The following ARHGAP20 variants were observed in gnomAD, a reference collection of about 807,000 sequenced individuals.
ARHGAP20 encodes the protein Rho GTPase activating protein 20, also known as rho GTPase-activating protein 20.
Under a neutral mutation model 73.7 loss-of-function variants are expected in ARHGAP20, and 34 were observed. The observed-to-expected ratio is 0.46, with a 90% CI of 0.35 to 0.61. ARHGAP20 has a LOEUF of 0.61. ARHGAP20 is among the 20% of genes least tolerant of loss of function. ARHGAP20 has a pLI of 0.00. For synonymous variants in ARHGAP20, 523 were observed against 518.2 expected, an observed-to-expected ratio of 1.01 and a Z score of -0.13; for missense variants, 1,314 against 1,420.9, an observed-to-expected ratio of 0.92 and a Z score of 1.21.
rs368175376 is a variant in ARHGAP20 at position 110,580,268 on chromosome 11, A to C, written c.2678T>G (p.Met893Arg). The C allele has an allele frequency of 6.8e-6, 11 of 1,614,190 alleles. No individual in the cohort carries two copies. In the East Asian group the frequency reaches 2.0e-4, roughly 29 times the overall value. The change falls in exon 15 of 15, where the codon ATG (methionine) becomes AGG (arginine). Residue 893 changes from methionine (M) to arginine (R), a missense_variant. Met to Arg is a moderately conservative substitution (Grantham distance 91, BLOSUM62 -1). Transcript: ENST00000683387. ...CTGATTAATGAGCTTCTGCCCCTCC[A>C]TTTGCAAAGACTTATGCCGTTTGAG... ...DYLKRHKSLQ[M>R]EGQKLINQSL...
intron 1 of ARHGAP20, among the ~76,000 whole-genome samples, chr11:110,692,452 AC>A (rs1950261498): frequency 6.6e-6 from 1 of 152,060 alleles, no homozygotes; most frequent in African/African-American, 2.4e-5. Flanking sequence ...TGTGAAATGT[AC>A]CCACTCTTGT....
chr11:110,579,950 G>T lies in ARHGAP20; in HGVS notation c.2996C>A (p.Ser999Tyr). 1 of 1,614,238 alleles carries T rather than the reference G, an allele frequency of 6.2e-7. No homozygotes were observed. The change falls in exon 15 of 15, where the codon TCC (serine) becomes TAC (tyrosine). Residue 999 changes from serine (S) to tyrosine (Y), a missense_variant. Ser to Tyr is a moderately radical substitution (Grantham distance 144). This residue lies in a region of ARHGAP20 where 641 missense variants were observed against 636.9 expected (regional missense o/e 1.01). Coordinates refer to ENST00000683387, the MANE Select transcript of ARHGAP20 (RefSeq NM_001384657.1). The stretch of plus-strand genomic sequence containing the variant: ...CCCTGATGAGGGACCGGGCATTCCG[G>T]AAACATGGCTGGCATTGCTAAAGTC... ...SPDFSNASHV[S>Y]GMPGPSSGQA...
At chr11:110,683,971 C>T (rs1950084330) in intron 2 of ARHGAP20, among the ~76,000 whole-genome samples, 1 of 152,122 alleles carries the variant, frequency 6.6e-6, no homozygotes, top group Non-Finnish European at 1.5e-5. Flanking sequence ...AGCTGTTTGC[C>T]CCTTCCGTCA....
intron 9 of ARHGAP20, among the ~76,000 whole-genome samples, chr11:110,597,709 G>A (rs140199679): frequency 1.4e-4 from 22 of 152,296 alleles, no homozygotes; most frequent in African/African-American, 5.1e-4. Context: ...TACCCTATGA[G>A]TGTTGACAGA....
At chr11:110,641,565 G>A (rs956010837) in intron 2 of ARHGAP20, among the ~76,000 whole-genome samples, 2 of 151,970 alleles carry the variant, frequency 1.3e-5, no homozygotes, top group African/African-American at 4.8e-5. Flanking sequence ...AAAGAGCCTC[G>A]TGAAAATGGC....
intron 2 of ARHGAP20, among the ~76,000 whole-genome samples, chr11:110,633,461 A>G (rs886977610): frequency 1.4e-4 from 21 of 152,300 alleles, no homozygotes; most frequent in African/African-American, 4.8e-4. Context: ...TGTTAAGTCC[A>G]TCAACTTTTT....
Position 110,579,819 on chromosome 11 carries a change from C to G in ARHGAP20, c.3127G>C (p.Ala1043Pro), listed in dbSNP as rs776441588. The change falls in exon 15 of 15, where the codon GCC becomes CCC. Residue 1043 changes from alanine to proline, a missense_variant. By Grantham distance (27) the Ala-to-Pro change is conservative (BLOSUM62 -1). Coordinates refer to ENST00000683387, the MANE Select transcript of ARHGAP20 (RefSeq NM_001384657.1). ...HPSTWLRNGV[A>P]SLKNWSLKKK... ...TTGAGGGACCAGTTTTTCAAACTGG[C>G]CACACCATTTCTCAACCATGTGCTG... 23 of 1,613,982 alleles carry G rather than the reference C, an allele frequency of 1.4e-5. No homozygotes were observed. In the East Asian group the frequency reaches 4.9e-4, roughly 34 times the overall value.
intron 2 of ARHGAP20, among the ~76,000 whole-genome samples, chr11:110,647,599 T>C (rs898343536): frequency 6.6e-6 from 1 of 152,136 alleles, no homozygotes; most frequent in Non-Finnish European, 1.5e-5. Context: ...TAACTTTTTT[T>C]ATGCAAAGGC....
At chr11:110,683,999 A>G (rs373669847) in intron 2 of ARHGAP20, among the ~76,000 whole-genome samples, 2 of 152,204 alleles carry the variant, frequency 1.3e-5, no homozygotes, top group Admixed American at 6.5e-5. Context: ...ACACAGTAAG[A>G]GATGCCATGT....
At chr11:110,688,519 T>A (rs972191818) in intron 2 of ARHGAP20, among the ~76,000 whole-genome samples, 4 of 152,074 alleles carry the variant, frequency 2.6e-5, no homozygotes, top group African/African-American at 4.8e-5. Context: ...AGTTAAAAAA[T>A]AAACAATAAA....
Position 110,606,702 on chromosome 11 carries a change from C to T in ARHGAP20, c.823G>A (p.Ala275Thr). ...GIKMSHLRDS[A>T]LLTPGSKDST... ...TCCTTTGATCCCGGTGTCAGGAGTGCAGAGTCTCGAAGATGGCTCATTTTA... is the reference window on the plus strand; with the variant it reads ...TCCTTTGATCCCGGTGTCAGGAGTGTAGAGTCTCGAAGATGGCTCATTTTA... The change falls in exon 9 of 15, where the codon GCA becomes ACA. Residue 275 changes from alanine to threonine, a missense_variant. Transcript: ENST00000683387. 6.3e-7 allele frequency: 1 copy of T among 1,593,516 alleles called. No individual in the cohort carries two copies. The highest frequency in any genetic ancestry group is 8.5e-7 in the Non-Finnish European group (1 of 1,172,530).
At position 110,580,546 on chromosome 11, in the gene ARHGAP20, G is replaced by A. The variant is rs909690481; in HGVS notation, c.2400C>T (p.Ala800=). The change falls in exon 15 of 15, where the codon GCC becomes GCT. Residue 800 remains alanine (A), a synonymous_variant. Transcript: ENST00000683387. ...VKLFPKSKPV[A]ISVASYSPMS... ...TAGGACTATAAGATGCCACAGAAAT[G>A]GCCACTGGCTTAGACTTAGGGAAAA... The A allele has an allele frequency of 6.2e-7, 1 of 1,614,186 alleles. No individual in the cohort carries two copies. Among genetic ancestry groups the A allele is most frequent in the Non-Finnish European group, 8.5e-7 (1 of 1,180,038 alleles).
chr11:110,631,559 G>T (rs984995637), intron 2 of ARHGAP20, among the ~76,000 whole-genome samples: 1 of 152,166 alleles, frequency 6.6e-6, no homozygotes, highest in Non-Finnish European at 1.5e-5. Flanking sequence ...CCCAGCACCT[G>T]CTGGCCACTG....
chr11:110,712,098 G>A (rs1295230094), intron 1 of ARHGAP20, 29 bp downstream of exon 1: 8 of 1,281,160 alleles, frequency 6.2e-6, no homozygotes, highest in Middle Eastern at 3.0e-4. Context: ...CGGCGGCGGA[G>A]GGCACGGGCC....
intron 3 of ARHGAP20, among the ~76,000 whole-genome samples, chr11:110,626,591 C>T (rs147757726): frequency 3.3e-4 from 50 of 152,318 alleles, no homozygotes; most frequent in African/African-American, 1.1e-3. Context: ...TAAACTTGGA[C>T]AGTGTTGACT....
At chr11:110,712,891 A>G (rs1029574003), upstream of ARHGAP20, 4 of 152,374 alleles carry the variant, frequency 2.6e-5, no homozygotes, top group Admixed American at 1.3e-4. Context: ...TGCGGAGGGA[A>G]TCCCCCACCC....
intron 2 of ARHGAP20, among the ~76,000 whole-genome samples, chr11:110,672,597 A>C (rs535712751): frequency 6.6e-5 from 10 of 152,108 alleles, no homozygotes; most frequent in African/African-American, 2.4e-4. Flanking sequence ...AGCATGCACC[A>C]CCACACTTGG....
Position 110,580,239 on chromosome 11 carries a change from A to T in ARHGAP20, c.2707T>A (p.Leu903Ile), listed in dbSNP as rs1244147985. Residue 903 changes from leucine (L) to isoleucine (I), a missense_variant, in exon 15 of 15, where the codon TTA (leucine) becomes ATA (isoleucine). Around this residue, in one of 3 missense-constraint regions of ARHGAP20, gnomAD observed 641 missense variants for 636.9 expected, o/e 1.01. Coordinates refer to ENST00000683387, the MANE Select transcript of ARHGAP20 (RefSeq NM_001384657.1). ...MEGQKLINQS[L>I]VMGIEVGKSS... ...TTGCCCACCTCAATCCCCATGACTA[A>T]ACTCTGATTAATGAGCTTCTGCCCC... The T allele has an allele frequency of 6.2e-7, 1 of 1,614,056 alleles. No homozygotes were observed. The highest frequency in any genetic ancestry group is 2.2e-5 in the East Asian group (1 of 44,894).
At chr11:110,693,599 T>C (rs1268124188) in intron 1 of ARHGAP20, among the ~76,000 whole-genome samples, 3 of 151,936 alleles carry the variant, frequency 2.0e-5, no homozygotes, top group African/African-American at 7.2e-5. Flanking sequence ...TCATTCAAAA[T>C]ACACTTATCT....
Sources: allele counts gnomAD v4.1 joint callset (sites outside exome capture counted in the v4.1 genomes callset), GRCh38; gene constraint gnomAD v4.1.1; regional missense constraint gnomAD v4.1.1; transcripts MANE v1.5; gene names NCBI Gene and HGNC (gene_info 2026-07-23, HGNC 2026-07-21).